The following AGAP3 variants were observed in gnomAD, a reference collection of about 807,000 sequenced individuals.
AGAP3 encodes ArfGAP with GTPase domain, ankyrin repeat and PH domain 3.
A neutral mutation model predicts 96.9 loss-of-function variants in AGAP3; 24 were observed. The ratio of observed to expected loss-of-function variants is 0.25; its 90% CI spans 0.18 to 0.35. The LOEUF (loss-of-function observed/expected upper bound fraction) is 0.35, where lower values mean the gene tolerates loss of function less well. AGAP3 is among the 10% of genes least tolerant of loss of function. The probability of loss-of-function intolerance (pLI) is 1.00; values close to 1 mark genes in which losing one functional copy is unlikely to be tolerated. For missense variants in AGAP3, 876 were observed against 1,254.2 expected (o/e 0.70, Z 4.55); for synonymous variants, 563 against 536.1 (o/e 1.05, Z -0.69).
In AGAP3 at chr7:151,141,760, G is replaced by C. The variant is rs1207029414; in HGVS notation, c.1805-138G>C. 3 of 1,069,852 alleles carry C rather than the reference G, an allele frequency of 2.8e-6. No individual in the cohort carries two copies. In the Admixed American group the frequency reaches 5.9e-5, roughly 21 times the overall value. 66.3% of individuals were successfully genotyped at this position (1,069,852 alleles called of 1,614,324 possible). A position where few individuals can be genotyped will look rare whatever the true frequency, so the allele number is the denominator to read the frequency against. ...CCCCCTGCAAGCTGTCCTGGAGTGT[G>C]TGGCCTTGCAGCTGGGGAAGGGTCT... On this transcript the variant is annotated intron_variant, in intron 13 of 17. Transcript: ENST00000397238. The surrounding 1 kb of genome is among the most constrained non-coding windows in gnomAD (Gnocchi z 4.2).
intron 1 of AGAP3, chr7:151,115,284 G>A: frequency 1.0e-6 from 1 of 1,002,418 alleles, no homozygotes; most frequent in Admixed American, 6.1e-5. Flanking sequence ...AGTGCTGCGC[G>A]GCGGGCGCGG....
chr7:151,125,576 C>G (rs1457724539), intron 9 of AGAP3, among the ~76,000 whole-genome samples: 1 of 152,222 alleles, frequency 6.6e-6, no homozygotes, highest in Non-Finnish European at 1.5e-5. Context: ...CCCGCTGCTT[C>G]CCGTTCTGTA....
Position 151,097,034 on chromosome 7 carries a change from G to A in AGAP3, c.331+9962G>A, listed in dbSNP as rs188117744. Among the ~76,000 whole-genome samples, 570 of 149,486 alleles carry A rather than the reference G, an allele frequency of 3.8e-3. 1 individual carries two copies. The highest frequency in any genetic ancestry group is 0.014 in the African/African-American group (556 of 40,670). On this transcript the variant is annotated intron_variant, in intron 1 of 17. Coordinates refer to ENST00000397238, the MANE Select transcript of AGAP3 (RefSeq NM_031946.7). ...TCCTGACCTCAGGTGATCTGCCTACGTTGGCCTCCCAAAGTGCTGGGACGA... is the reference window on the plus strand; with the variant it reads ...TCCTGACCTCAGGTGATCTGCCTACATTGGCCTCCCAAAGTGCTGGGACGA...
At chr7:151,128,861 C>G (rs890651001) in intron 10 of AGAP3, among the ~76,000 whole-genome samples, 177 bp downstream of exon 10, 8 of 152,228 alleles carry the variant, frequency 5.3e-5, no homozygotes, top group Non-Finnish European at 1.0e-4. Context: ...GCACAAGACC[C>G]GGCTGGCCCC....
Position 151,141,750 on chromosome 7 carries a change from C to A in AGAP3, c.1805-148C>A, listed in dbSNP as rs752635346. 5.4e-5 allele frequency: 52 copies of A among 964,574 alleles called. No homozygotes were observed. The highest frequency in any genetic ancestry group is 7.2e-5 in the Non-Finnish European group (45 of 624,394). The allele number at this position is 964,574 out of a possible 1,614,324, so 59.8% of individuals were successfully genotyped here. On this transcript the variant is annotated intron_variant, in intron 13 of 17. Transcript: ENST00000397238. The surrounding 1 kb of genome is among the most constrained non-coding windows in gnomAD (Gnocchi z 4.2). The stretch of plus-strand genomic sequence containing the variant: ...ACTCTGGCCTCCCCCTGCAAGCTGT[C>A]CTGGAGTGTGTGGCCTTGCAGCTGG...
chr7:151,099,325 A>G (rs1375547479), intron 1 of AGAP3, among the ~76,000 whole-genome samples: 8 of 142,272 alleles, frequency 5.6e-5, no homozygotes, highest in African/African-American at 2.1e-4. Flanking sequence ...CCTGGGCGAC[A>G]GAGTGAGACT....
intron 5 of AGAP3, 173 bp downstream of exon 5, chr7:151,117,950 C>G: frequency 1.0e-6 from 1 of 974,830 alleles, no homozygotes; most frequent in East Asian, 2.7e-5. Flanking sequence ...TTTGCCCCCA[C>G]TGAAACCTGC....
chr7:151,111,102 G>T (rs919367074), intron 1 of AGAP3, among the ~76,000 whole-genome samples: 30 of 152,284 alleles, frequency 2.0e-4, no homozygotes, highest in Middle Eastern at 3.4e-3. Flanking sequence ...GCCAGTCCTG[G>T]GGGGCGAAGG....
Position 151,117,443 on chromosome 7 carries a change from C to G in AGAP3, c.551C>G (p.Pro184Arg), listed in dbSNP as rs777585300. 6.2e-7 allele frequency: 1 copy of G among 1,614,170 alleles called. No homozygotes were observed. Among genetic ancestry groups the G allele is most frequent in the Non-Finnish European group, 8.5e-7 (1 of 1,180,018 alleles). The change falls in exon 4 of 18, where the codon CCC becomes CGC. Residue 184 changes from proline (P) to arginine (R), a missense_variant. This residue lies in a region of AGAP3 where 131 missense variants were observed against 304.5 expected (regional missense o/e 0.43). Transcript: ENST00000397238. ...YLLLIRDEGG[P>R]PELQFAAWVD... The stretch of plus-strand genomic sequence containing the variant: ...CTGCTGATCCGAGATGAAGGAGGCC[C>G]CCCTGAGCTCCAGGTGATGCTCCTG...
In AGAP3 at chr7:151,142,077, C is replaced by T; in HGVS notation, c.1959+25C>T. On this transcript the variant is annotated intron_variant, in intron 14 of 17. Transcript: ENST00000397238. This position sits in a 1 kb window ranked among gnomAD's most constrained non-coding sequence, Gnocchi z 7.5. ...GGTGGGTACAGAGTGACTGGGCCCA[C>T]ACAGAGCACCTGGCTGGGGTGGGAC... 1.2e-6 allele frequency: 2 copies of T among 1,608,718 alleles called. No homozygotes were observed. Among genetic ancestry groups the T allele is most frequent in the Non-Finnish European group, 1.7e-6 (2 of 1,176,180 alleles).
chr7:151,089,322 A>T (rs551931261), intron 1 of AGAP3, among the ~76,000 whole-genome samples: 1 of 152,130 alleles, frequency 6.6e-6, no homozygotes, highest in Admixed American at 6.5e-5. Flanking sequence ...GGCGTTTCCG[A>T]GCACAGTCTG....
chr7:151,141,799 T>TGCCA lies in AGAP3; in HGVS notation c.1805-97_1805-94dup. 1.3e-6 allele frequency: 2 copies of TGCCA among 1,514,084 alleles called. No individual in the cohort carries two copies. Among genetic ancestry groups the TGCCA allele is most frequent in the Non-Finnish European group, 1.8e-6 (2 of 1,093,208 alleles). 93.8% of individuals were successfully genotyped at this position (1,514,084 alleles called of 1,614,324 possible). ...GGGGAAGGGTCTAGGGGAGGACACTTGCCAGTGGAGCAGGGTAGTGAGTGG... is the reference window on the plus strand; with the variant it reads ...GGGGAAGGGTCTAGGGGAGGACACTTGCCAGCCAGTGGAGCAGGGTAGTGAGTGG... On this transcript the variant is annotated intron_variant, in intron 13 of 17. Transcript: ENST00000397238. This position sits in a 1 kb window ranked among gnomAD's most constrained non-coding sequence, Gnocchi z 4.2.
intron 10 of AGAP3, among the ~76,000 whole-genome samples, chr7:151,132,946 C>T (rs567000781): frequency 3.3e-5 from 5 of 152,248 alleles, no homozygotes; most frequent in South Asian, 2.1e-4. Flanking sequence ...CTGGAGCTAA[C>T]GGGGTGAGAA....
chr7:151,123,048 C>T (rs987746603), intron 8 of AGAP3: 4 of 1,303,266 alleles, frequency 3.1e-6, no homozygotes, highest in Non-Finnish European at 3.9e-6. Flanking sequence ...GCCCCACGCC[C>T]GGCGCTGGCC....
At chr7:151,125,068 C>T (rs140690458) in intron 9 of AGAP3, among the ~76,000 whole-genome samples, 1 of 152,260 alleles carries the variant, frequency 6.6e-6, no homozygotes, top group East Asian at 1.9e-4. Context: ...CAGGACAGAC[C>T]CTGCACAAAC....
At chr7:151,134,699 C>A in intron 11 of AGAP3, 131 bp downstream of exon 11, 1 of 946,318 alleles carries the variant, frequency 1.1e-6, no homozygotes, top group African/African-American at 1.6e-5. Context: ...AAGGTCATCT[C>A]AGCCAAAGAC....
Position 151,110,017 on chromosome 7 carries a change from G to A in AGAP3, c.332-6776G>A, listed in dbSNP as rs183980771. Among the ~76,000 whole-genome samples the A allele has an allele frequency of 1.7e-3, 260 of 152,334 alleles. 4 individuals are homozygous for A. The highest frequency in any genetic ancestry group is 1.3e-3 in the Non-Finnish European group (90 of 68,038). On this transcript the variant is annotated intron_variant, in intron 1 of 17. Coordinates refer to ENST00000397238, the MANE Select transcript of AGAP3 (RefSeq NM_031946.7). Reference sequence around the variant, plus strand: ...ACCTGAGGTTAAGGAGACCGTGGCTGGTCACCCACCAATAGGTGCCAGAGG... The same window carrying A: ...ACCTGAGGTTAAGGAGACCGTGGCTAGTCACCCACCAATAGGTGCCAGAGG...
chr7:151,103,068 C>G lies in AGAP3; in HGVS notation c.332-13725C>G, dbSNP rs115747280. Among the ~76,000 whole-genome samples, 146 of 152,368 alleles carry G rather than the reference C, an allele frequency of 9.6e-4. 1 individual carries two copies. Among genetic ancestry groups the G allele is most frequent in the African/African-American group, 3.3e-3 (139 of 41,584 alleles). ...GACCTTGCCTCTGAAAAAACACACA[C>G]AAGAAAGAATGCCTTTCTCTTAGTT... On this transcript the variant is annotated intron_variant, in intron 1 of 17. Coordinates refer to ENST00000397238, the MANE Select transcript of AGAP3 (RefSeq NM_031946.7).
chr7:151,123,028 A>C (rs1799985150), intron 8 of AGAP3: 2 of 1,360,058 alleles, frequency 1.5e-6, no homozygotes, highest in Non-Finnish European at 9.4e-7. Context: ...ATGGAGAAGA[A>C]GGCAGCTCGG....
Sources: allele counts gnomAD v4.1 joint callset (sites outside exome capture counted in the v4.1 genomes callset), GRCh38; gene constraint gnomAD v4.1.1; regional missense constraint gnomAD v4.1.1; non-coding constraint Gnocchi (gnomAD v3.1); transcripts MANE v1.5; gene names NCBI Gene and HGNC (gene_info 2026-07-23, HGNC 2026-07-21).